The following RRM2B variants were observed in gnomAD, a reference collection of about 807,000 sequenced individuals.
RRM2B encodes the protein ribonucleotide reductase regulatory TP53 inducible subunit M2B, also known as ribonucleoside-diphosphate reductase subunit M2 B.
Under a neutral mutation model 45.9 loss-of-function variants are expected in RRM2B, and 20 were observed. The ratio of observed to expected loss-of-function variants is 0.44; its 90% CI spans 0.31 to 0.63. RRM2B has a LOEUF of 0.63. Among genes scored for constraint, RRM2B ranks in the 30% least tolerant of loss-of-function variants. RRM2B has a pLI of 0.09. For missense variants in RRM2B, 320 were observed against 414.7 expected, an observed-to-expected ratio of 0.77 and a Z score of 1.98; for synonymous variants, 124 against 132.3, an observed-to-expected ratio of 0.94 and a Z score of 0.43.
intron 2 of RRM2B, 77 bp from the exon 3 acceptor site, chr8:102,226,111 T>C: frequency 1.2e-6 from 1 of 852,378 alleles, no homozygotes; most frequent in South Asian, 1.3e-5. Context: ...TAACTTCTAT[T>C]GTTAAGTAGG....
Position 102,205,912 on chromosome 8 carries a change from G to A in RRM2B, c.*2221C>T, listed in dbSNP as rs994070496. ...GACTTCTTCATCCAAATCCAGTTAGGTTTATTGCTATTATAAATAAGCTTC... is the reference window on the plus strand; with the variant it reads ...GACTTCTTCATCCAAATCCAGTTAGATTTATTGCTATTATAAATAAGCTTC... On this transcript the variant is annotated 3_prime_UTR_variant, in exon 9 of 9. Transcript: ENST00000251810. 7 of 151,074 alleles carry A rather than the reference G, an allele frequency of 4.6e-5. No individual in the cohort carries two copies. The highest frequency in any genetic ancestry group is 1.7e-4 in the African/African-American group (7 of 41,284). 9.4% of individuals were successfully genotyped at this position (151,074 alleles called of 1,614,324 possible).
At chr8:102,220,727 T>G (rs2132551208) in intron 5 of RRM2B, among the ~76,000 whole-genome samples, 1 of 152,340 alleles carries the variant, frequency 6.6e-6, no homozygotes, top group Admixed American at 6.5e-5. Flanking sequence ...CAAGCCACTG[T>G]GCCTAGTGGA....
chr8:102,231,171 T>C (rs1405768096), intron 2 of RRM2B, among the ~76,000 whole-genome samples: 4 of 152,244 alleles, frequency 2.6e-5, no homozygotes, highest in Admixed American at 6.5e-5. Flanking sequence ...TCAGTTAGAC[T>C]ACAGGGCAAT....
At chr8:102,228,368 T>TA (rs1810970502) in intron 2 of RRM2B, among the ~76,000 whole-genome samples, 2 of 152,182 alleles carry the variant, frequency 1.3e-5, no homozygotes, top group African/African-American at 2.4e-5. Flanking sequence ...GGCAACAAAA[T>TA]CCTCTGTATT....
intron 5 of RRM2B, 68 bp from the exon 6 acceptor site, chr8:102,219,015 A>G: frequency 2.8e-6 from 4 of 1,432,824 alleles, no homozygotes; most frequent in East Asian, 2.3e-5. Context: ...ATATATACAC[A>G]TATATAACAA....
chr8:102,212,661 T>C (rs1025334262), intron 8 of RRM2B, 115 bp downstream of exon 8: 19 of 655,818 alleles, frequency 2.9e-5, no homozygotes, highest in African/African-American at 2.2e-4. Flanking sequence ...GTCTCTGTCA[T>C]TGACATTTAA....
chr8:102,224,156 A>T lies in RRM2B; in HGVS notation c.456-16T>A, dbSNP rs1810883700. ...TAAAAATTCCCTGTAAAAACAAAAG[A>T]ATGAACAGCAAAGTTATTCACTTGT... On this transcript the variant is annotated splice_polypyrimidine_tract_variant and intron_variant, in intron 4 of 8. Transcript: ENST00000251810. 1 of 1,475,256 alleles carries T rather than the reference A, an allele frequency of 6.8e-7. No individual in the cohort carries two copies. The highest frequency in any genetic ancestry group is 2.3e-5 in the East Asian group (1 of 44,170). The allele number at this position is 1,475,256 out of a possible 1,614,324, so 91.4% of individuals were successfully genotyped here. A position where few individuals can be genotyped will look rare whatever the true frequency, so the allele number is the denominator to read the frequency against.
At chr8:102,228,557 T>G (rs1428955483) in intron 2 of RRM2B, among the ~76,000 whole-genome samples, 1 of 152,268 alleles carries the variant, frequency 6.6e-6, no homozygotes, top group African/African-American at 2.4e-5. Flanking sequence ...TTAAGCCATC[T>G]GCGGACAGCA....
rs1029010393 is a variant in RRM2B at position 102,212,929 on chromosome 8, C to T, written c.790-40G>A. On this transcript the variant is annotated intron_variant, in intron 7 of 8. Transcript: ENST00000251810. ...AAAACAGAATAAAGTACAAACAAAA[C>T]TATAAATATGTATTTTCCAAATAGA... 5 of 984,464 alleles carry T rather than the reference C, an allele frequency of 5.1e-6. No individual in the cohort carries two copies. In the African/African-American group the frequency reaches 6.4e-5, roughly 13 times the overall value. The allele number at this position is 984,464 out of a possible 1,614,324, so 61.0% of individuals were successfully genotyped here.
At chr8:102,225,119 G>C in intron 3 of RRM2B, 101 bp from the exon 4 acceptor site, 1 of 1,214,722 alleles carries the variant, frequency 8.2e-7, no homozygotes, top group Non-Finnish European at 1.2e-6. Context: ...AAAACTGCCT[G>C]TCATGTAACA....
chr8:102,221,061 C>T (rs1810827127), intron 5 of RRM2B, among the ~76,000 whole-genome samples: 1 of 152,058 alleles, frequency 6.6e-6, no homozygotes, highest in Non-Finnish European at 1.5e-5. Flanking sequence ...AATTTCATTA[C>T]ATATATTAAG....
intron 6 of RRM2B, among the ~76,000 whole-genome samples, chr8:102,217,745 T>TAAAGGAAA: frequency 6.6e-6 from 1 of 150,496 alleles, no homozygotes; most frequent in East Asian, 1.9e-4. Context: ...AATGGATACA[T>TAAAGGAAA]AAAGGAAAGA....
chr8:102,220,110 G>A (rs142952716), intron 5 of RRM2B, among the ~76,000 whole-genome samples: 15 of 152,156 alleles, frequency 9.9e-5, no homozygotes, highest in East Asian at 3.9e-4. Flanking sequence ...GTGGTGGTGC[G>A]CACCTGTAGT....
rs1255789774 is a variant in RRM2B at position 102,228,609 on chromosome 8, C to T, written c.205-2575G>A. 3.3e-5 allele frequency among the ~76,000 whole-genome samples: 5 copies of T among 152,342 alleles called. No homozygotes were observed. The East Asian group carries it at 9.6e-4, about 29-fold the overall frequency. ...TAACTATAACACATTCCTTCTGGGG[C>T]TTCAAGGGTTGTGGGTACTCCTCAC... is the stretch of plus-strand genomic sequence containing the variant. On this transcript the variant is annotated intron_variant, in intron 2 of 8. Coordinates refer to ENST00000251810, the MANE Select transcript of RRM2B (RefSeq NM_015713.5).
At position 102,213,385 on chromosome 8, in the gene RRM2B, G is replaced by A. The variant is rs10091397; in HGVS notation, c.790-496C>T. Among the ~76,000 whole-genome samples the A allele has an allele frequency of 9.3e-3, 1,415 of 152,156 alleles. 18 individuals carry two copies. Among genetic ancestry groups the A allele is most frequent in the African/African-American group, 0.032 (1,343 of 41,512 alleles). ...CTGAAAGACTATATAGTGGTAAAGC[G>A]TTAATAGAGGAAAAATAAAAATATA... On this transcript the variant is annotated intron_variant, in intron 7 of 8. Transcript: ENST00000251810.
At chr8:102,224,709 T>C (rs920203149) in intron 4 of RRM2B, among the ~76,000 whole-genome samples, 176 bp downstream of exon 4, 1 of 152,236 alleles carries the variant, frequency 6.6e-6, no homozygotes, top group Non-Finnish European at 1.5e-5. Context: ...AAAGGTTAAC[T>C]GGTTCTATAA....
At chr8:102,212,682 A>G in intron 8 of RRM2B, 94 bp downstream of exon 8, 1 of 719,570 alleles carries the variant, frequency 1.4e-6, no homozygotes, top group Non-Finnish European at 2.4e-6. Flanking sequence ...AAAATAGAAT[A>G]GTATGTTACA....
intron 1 of RRM2B, 160 bp downstream of exon 1, chr8:102,238,667 T>C: frequency 6.5e-7 from 1 of 1,539,080 alleles, no homozygotes; most frequent in Admixed American, 2.0e-5. Flanking sequence ...GGGGACGGCC[T>C]CCCCGGCGCT....
At chr8:102,209,027 G>A (rs187550846) in intron 8 of RRM2B, among the ~76,000 whole-genome samples, 75 of 152,214 alleles carry the variant, frequency 4.9e-4, no homozygotes, top group Non-Finnish European at 7.4e-4. Flanking sequence ...GCAGATGCCT[G>A]TAATCCAAGC....
Sources: allele counts gnomAD v4.1 joint callset (sites outside exome capture counted in the v4.1 genomes callset), GRCh38; gene constraint gnomAD v4.1.1; transcripts MANE v1.5; gene names NCBI Gene and HGNC (gene_info 2026-07-23, HGNC 2026-07-21).